CTNNA3: variants seen among roughly 807,000 people sequenced by gnomAD.
CTNNA3 encodes catenin alpha-3.
CTNNA3 carries 76 observed loss-of-function variants against 95.7 expected under a neutral mutation model. That is an observed-to-expected ratio of 0.79 (90% confidence interval 0.66 to 0.96). CTNNA3 has a LOEUF of 0.96. CTNNA3 is among the 40% of genes least tolerant of loss of function. The probability of loss-of-function intolerance (pLI) is 0.00; values close to 1 mark genes in which losing one functional copy is unlikely to be tolerated. For missense variants in CTNNA3, 1,191 were observed against 1,089.8 expected (o/e 1.09, Z -1.31); for synonymous variants, 431 against 374.4 (o/e 1.15, Z -1.74).
chr10:67,677,033 G>C (rs1840548487), intron 1 of CTNNA3, among the ~76,000 whole-genome samples: 1 of 152,138 alleles, frequency 6.6e-6, no homozygotes, highest in African/African-American at 2.4e-5. Flanking sequence ...TAAAAGGAAA[G>C]AGTCCAGGTT....
chr10:66,765,335 T>A (rs1839801007), intron 9 of CTNNA3, among the ~76,000 whole-genome samples: 1 of 152,172 alleles, frequency 6.6e-6, no homozygotes, highest in South Asian at 2.1e-4. Flanking sequence ...CGTAAAAACA[T>A]ATTTGACCAC....
intron 12 of CTNNA3, among the ~76,000 whole-genome samples, chr10:66,337,400 C>T (rs1367432856): frequency 6.6e-6 from 1 of 151,996 alleles, no homozygotes; most frequent in Non-Finnish European, 1.5e-5. Context: ...TTTGTCCAAC[C>T]AGCTGGCCAC....
chr10:65,947,659 T>C (rs913081055), intron 17 of CTNNA3, among the ~76,000 whole-genome samples: 1 of 152,228 alleles, frequency 6.6e-6, no homozygotes, highest in Non-Finnish European at 1.5e-5. Flanking sequence ...AAAAGCTCCC[T>C]ACCAACCTGT....
Position 66,211,995 on chromosome 10 carries a change from T to G in CTNNA3, c.1884+68475A>C, listed in dbSNP as rs542294779. Reference sequence around the variant, plus strand: ...CTATTGTTTTTGGGTTTTTTTTTTTTTTTTTTTTTTTTGAGACAGAGTCTC... The same window carrying G: ...CTATTGTTTTTGGGTTTTTTTTTTTGTTTTTTTTTTTTGAGACAGAGTCTC... On this transcript the variant is annotated intron_variant, in intron 13 of 17. Coordinates refer to ENST00000433211, the MANE Select transcript of CTNNA3 (RefSeq NM_013266.4). 9.0e-5 allele frequency among the ~76,000 whole-genome samples: 13 copies of G among 144,358 alleles called. No individual in the cohort carries two copies. In the East Asian group the frequency reaches 2.0e-3, roughly 22 times the overall value. 94.7% of individuals were successfully genotyped at this position (144,358 alleles called of 152,430 possible).
At chr10:66,120,254 T>C (rs2082520869) in intron 13 of CTNNA3, among the ~76,000 whole-genome samples, 1 of 152,208 alleles carries the variant, frequency 6.6e-6, no homozygotes, top group African/African-American at 2.4e-5. Context: ...AATTGTGATG[T>C]ACCTATCTTA....
At chr10:67,122,583 C>G (rs1417861631) in intron 7 of CTNNA3, among the ~76,000 whole-genome samples, 1 of 152,042 alleles carries the variant, frequency 6.6e-6, no homozygotes, top group East Asian at 1.9e-4. Flanking sequence ...ATGAATCTAT[C>G]TTGTTCATAA....
At chr10:67,397,113 C>T (rs1168646766) in intron 5 of CTNNA3, among the ~76,000 whole-genome samples, 1 of 151,946 alleles carries the variant, frequency 6.6e-6, no homozygotes, top group African/African-American at 2.4e-5. Context: ...AATATGGAAG[C>T]AACTTTGGAA....
At chr10:66,415,145 C>A (rs1363820003) in intron 11 of CTNNA3, among the ~76,000 whole-genome samples, 1 of 152,164 alleles carries the variant, frequency 6.6e-6, no homozygotes, top group African/African-American at 2.4e-5. Flanking sequence ...CCGCTCCTGA[C>A]TACCATGGCC....
At chr10:66,384,580 A>G (rs1262383467) in intron 11 of CTNNA3, among the ~76,000 whole-genome samples, 2 of 152,206 alleles carry the variant, frequency 1.3e-5, no homozygotes, top group Non-Finnish European at 2.9e-5. Flanking sequence ...TCAGCTCTGC[A>G]ACAGGCAGAC....
At chr10:67,734,744 T>C (rs1841293056) in intron 1 of CTNNA3, among the ~76,000 whole-genome samples, 1 of 152,074 alleles carries the variant, frequency 6.6e-6, no homozygotes, top group African/African-American at 2.4e-5. Context: ...CCAAAAATAA[T>C]ATATCTAAGG....
At chr10:67,595,723 G>T (rs866030722) in intron 3 of CTNNA3, among the ~76,000 whole-genome samples, 1 of 152,168 alleles carries the variant, frequency 6.6e-6, no homozygotes, top group African/African-American at 2.4e-5. Context: ...AATTCTGTCA[G>T]TAGGGTGTTG....
chr10:66,808,892 C>T (rs117634683), intron 7 of CTNNA3, among the ~76,000 whole-genome samples: 3,488 of 152,180 alleles, frequency 0.023, 52 homozygotes, highest in Non-Finnish European at 0.036. Context: ...TAAATATAAT[C>T]AAAACTTTAA....
intron 7 of CTNNA3, among the ~76,000 whole-genome samples, chr10:66,885,830 G>T (rs1265020199): frequency 6.6e-6 from 1 of 152,108 alleles, no homozygotes; most frequent in Non-Finnish European, 1.5e-5. Context: ...CTCTGGCATT[G>T]CAGTTAATGC....
intron 9 of CTNNA3, among the ~76,000 whole-genome samples, chr10:66,658,055 A>G (rs752208130): frequency 2.7e-4 from 41 of 152,138 alleles, no homozygotes; most frequent in African/African-American, 8.0e-4. Flanking sequence ...GTCCCTTTCA[A>G]TTTGGTCTGT....
At chr10:66,125,303 A>G (rs2082769569) in intron 13 of CTNNA3, among the ~76,000 whole-genome samples, 2 of 152,220 alleles carry the variant, frequency 1.3e-5, no homozygotes. Context: ...GGTAAATTAA[A>G]TGAATGATAG....
chr10:67,672,069 G>A (rs1355063586), intron 1 of CTNNA3, among the ~76,000 whole-genome samples: 1 of 152,128 alleles, frequency 6.6e-6, no homozygotes, highest in Non-Finnish European at 1.5e-5. Flanking sequence ...GTGTGAGATG[G>A]TATCTCATTG....
At chr10:66,397,489 C>T (rs531768213) in intron 11 of CTNNA3, among the ~76,000 whole-genome samples, 1 of 151,654 alleles carries the variant, frequency 6.6e-6, no homozygotes, top group Non-Finnish European at 1.5e-5. Flanking sequence ...AATTAGTACT[C>T]ATATATATAT....
chr10:66,404,411 C>G (rs2093041742), intron 11 of CTNNA3, among the ~76,000 whole-genome samples: 1 of 152,238 alleles, frequency 6.6e-6, no homozygotes, highest in African/African-American at 2.4e-5. Context: ...GTGCAGCAGA[C>G]AGAAAGAACC....
chr10:66,375,920 T>C (rs1005463844), intron 12 of CTNNA3, among the ~76,000 whole-genome samples: 1 of 152,178 alleles, frequency 6.6e-6, no homozygotes, highest in African/African-American at 2.4e-5. Flanking sequence ...CCTCATCAGA[T>C]ACTTGATGAA....
Sources: gnomAD v4.1 joint callset for allele counts (sites outside exome capture counted in the v4.1 genomes callset) on GRCh38, gnomAD v4.1.1 for gene constraint, MANE v1.5 for transcripts, NCBI Gene and HGNC (gene_info 2026-07-23, HGNC 2026-07-21) for gene names.